ART1: variants seen among roughly 807,000 people sequenced by gnomAD.
ART1 encodes GPI-linked NAD(P)(+)--arginine ADP-ribosyltransferase 1.
ART1 carries 29 observed loss-of-function variants against 27.0 expected under a neutral mutation model. That is an observed-to-expected ratio of 1.08 (90% CI 0.80 to 1.47). ART1 has a LOEUF of 1.47. ART1 is among the 40% of genes most tolerant of loss of function. ART1 has a pLI of 0.00. For missense variants in ART1, 480 were observed against 423.0 expected, an observed-to-expected ratio of 1.13 and a Z score of -1.18; for synonymous variants, 201 against 172.2, an observed-to-expected ratio of 1.17 and a Z score of -1.31.
At position 3,663,170 on chromosome 11, in the gene ART1, C is replaced by T. The variant is rs146913124; in HGVS notation, c.887-922C>T. Among the ~76,000 whole-genome samples the T allele has an allele frequency of 2.0e-5, 3 of 150,700 alleles. No individual in the cohort carries two copies. In the East Asian group the frequency reaches 5.9e-4, roughly 30 times the overall value. On this transcript the variant is annotated intron_variant, in intron 4 of 4. Transcript: ENST00000250693. ...ATCATCTCATCTCATCTTTACTGCA[C>T]AGTAATCTATGGGAAGGAGGCAGAA...
chr11:3,660,064 ACGGCCTGCGCTTCCGGC>A lies in ART1; in HGVS notation c.547_563del (p.Gly183SerfsTer27). ...TGCCACCAGGTGTTCCGAGGTGTGC[ACGGCCTGCGCTTCCGGC>A]CAGCAGGGCCCCGGGCCACCGTGAG... On this transcript the variant is annotated frameshift_variant, in exon 3 of 5. Coordinates refer to ENST00000250693, the MANE Select transcript of ART1 (RefSeq NM_004314.3). LOFTEE classifies it high-confidence loss of function. 1 of 1,613,556 alleles carries A rather than the reference ACGGCCTGCGCTTCCGGC, an allele frequency of 6.2e-7. No homozygotes were observed. The highest frequency in any genetic ancestry group is 1.7e-4 in the Middle Eastern group (1 of 6,060).
chr11:3,653,675 TCTC>T (rs1451717455), intron 1 of ART1, among the ~76,000 whole-genome samples: 16 of 152,240 alleles, frequency 1.1e-4, no homozygotes, highest in African/African-American at 3.9e-4. Context: ...CTACTCCGCT[TCTC>T]CTCTGTGTTT....
chr11:3,662,880 G>A (rs1285896481), intron 4 of ART1, among the ~76,000 whole-genome samples: 1 of 152,108 alleles, frequency 6.6e-6, no homozygotes, highest in African/African-American at 2.4e-5. Context: ...AAAATCAAAG[G>A]TGCAGAGGAG....
Position 3,650,903 on chromosome 11 carries a change from C to T in ART1, c.-53+5724C>T, listed in dbSNP as rs1343363172. Reference sequence around the variant, plus strand: ...CCTTACCATCCCATTAAAACCTAATCACTCTTACCCCGCTCAATGCCAGTA... The same window carrying T: ...CCTTACCATCCCATTAAAACCTAATTACTCTTACCCCGCTCAATGCCAGTA... On this transcript the variant is annotated intron_variant, in intron 1 of 4. Transcript: ENST00000250693. Among the ~76,000 whole-genome samples the T allele has an allele frequency of 1.4e-5, 2 of 141,626 alleles. 1 individual carries two copies. Among genetic ancestry groups the T allele is most frequent in the Non-Finnish European group, 3.1e-5 (2 of 64,126 alleles). 92.9% of individuals were successfully genotyped at this position (141,626 alleles called of 152,430 possible).
chr11:3,645,981 C>G lies in ART1; in HGVS notation c.-53+802C>G, dbSNP rs531048387. Among the ~76,000 whole-genome samples the G allele has an allele frequency of 3.9e-5, 6 of 152,140 alleles. No homozygotes were observed. The East Asian group carries it at 1.2e-3, about 29-fold the overall frequency. ...GCCAAGCAGGAGTGGCAGGTGCGAG[C>G]CTGCAGAGGGTGCAGAGGGCCAGGA... On this transcript the variant is annotated intron_variant, in intron 1 of 4. Coordinates refer to ENST00000250693, the MANE Select transcript of ART1 (RefSeq NM_004314.3).
intron 1 of ART1, among the ~76,000 whole-genome samples, chr11:3,652,593 G>T (rs1431139163): frequency 6.6e-6 from 1 of 152,146 alleles, no homozygotes; most frequent in Non-Finnish European, 1.5e-5. Flanking sequence ...CTCCTGTATA[G>T]ACGCTCCTTT....
chr11:3,649,888 C>T (rs934868520), intron 1 of ART1, among the ~76,000 whole-genome samples: 4 of 152,182 alleles, frequency 2.6e-5, no homozygotes, highest in East Asian at 1.9e-4. Flanking sequence ...AGACGCTTTA[C>T]AGCCCTAGAC....
chr11:3,660,202 C>T lies in ART1; in HGVS notation c.683C>T (p.Pro228Leu). ...FFGIWTCLGA[P>L]IKGYSFFPGE... ...GGCATCTGGACCTGCCTTGGGGCCCCTATCAAGGGCTACTCCTTCTTCCCT... is the reference window on the plus strand; with the variant it reads ...GGCATCTGGACCTGCCTTGGGGCCCTTATCAAGGGCTACTCCTTCTTCCCT... The change falls in exon 3 of 5, where the codon CCT becomes CTT. Residue 228 changes from proline to leucine, a missense_variant. Pro to Leu is a moderately conservative substitution (Grantham distance 98, BLOSUM62 -3). Transcript: ENST00000250693. 1.9e-6 allele frequency: 3 copies of T among 1,614,066 alleles called. No individual in the cohort carries two copies. Among genetic ancestry groups the T allele is most frequent in the Non-Finnish European group, 2.5e-6 (3 of 1,180,036 alleles).
chr11:3,652,334 G>C (rs532735258), intron 1 of ART1, among the ~76,000 whole-genome samples: 1 of 150,048 alleles, frequency 6.7e-6, no homozygotes, highest in South Asian at 2.1e-4. Context: ...TATACAGTCT[G>C]AAAACAGACC....
intron 1 of ART1, among the ~76,000 whole-genome samples, chr11:3,652,187 T>A (rs1259813900): frequency 1.3e-5 from 2 of 150,800 alleles, no homozygotes; most frequent in Admixed American, 6.6e-5. Context: ...CTGAGTCAGA[T>A]AACTAAAATA....
intron 1 of ART1, among the ~76,000 whole-genome samples, chr11:3,655,198 G>A (rs775640691): frequency 2.6e-5 from 4 of 152,154 alleles, no homozygotes; most frequent in Non-Finnish European, 5.9e-5. Flanking sequence ...CCAGACTAAA[G>A]AAGAATCTTC....
At chr11:3,651,234 T>G in intron 1 of ART1, among the ~76,000 whole-genome samples, 2 of 142,012 alleles carry the variant, frequency 1.4e-5, no homozygotes, top group African/African-American at 5.5e-5. Flanking sequence ...TCCCAGCCTC[T>G]CTTTGCTTTC....
At chr11:3,659,055 C>T (rs2077596662) in intron 1 of ART1, 107 bp from the exon 2 acceptor site, 10 of 673,270 alleles carry the variant, frequency 1.5e-5, no homozygotes, top group Non-Finnish European at 2.3e-5. Flanking sequence ...CTCTTCTGAG[C>T]CTCCATGTCT....
In ART1 at chr11:3,660,142, T is replaced by C. The variant is rs1348543654; in HGVS notation, c.623T>C (p.Val208Ala). 6.2e-7 allele frequency: 1 copy of C among 1,613,920 alleles called. No individual in the cohort carries two copies. The highest frequency in any genetic ancestry group is 8.5e-7 in the Non-Finnish European group (1 of 1,180,012). ...TTTGCTTCTGCCTCCCTGAAGCATGTTGCAGCCCAGCAGTTTGGTGAGGAC... is the reference window on the plus strand; with the variant it reads ...TTTGCTTCTGCCTCCCTGAAGCATGCTGCAGCCCAGCAGTTTGGTGAGGAC... Reference protein sequence around the residue: ...GGFASASLKHVAAQQFGEDTF... With the variant: ...GGFASASLKHAAAQQFGEDTF... Residue 208 changes from valine to alanine, a missense_variant, in exon 3 of 5, where the codon GTT becomes GCT. Val to Ala is a moderately conservative substitution (Grantham distance 64). Coordinates refer to ENST00000250693, the MANE Select transcript of ART1 (RefSeq NM_004314.3).
chr11:3,650,850 C>T (rs1323053165), intron 1 of ART1, among the ~76,000 whole-genome samples: 1 of 129,334 alleles, frequency 7.7e-6, no homozygotes, highest in Non-Finnish European at 1.8e-5. Context: ...GGCACCTCTA[C>T]TTCCTCCTTC....
intron 1 of ART1, among the ~76,000 whole-genome samples, chr11:3,652,917 C>T (rs1030811642): frequency 1.3e-5 from 2 of 149,546 alleles, no homozygotes; most frequent in Admixed American, 1.3e-4. Flanking sequence ...AATTCTTAGA[C>T]CTTTTATACC....
At position 3,651,972 on chromosome 11, in the gene ART1, A is replaced by G. The variant is rs561623378; in HGVS notation, c.-53+6793A>G. 2.0e-5 allele frequency among the ~76,000 whole-genome samples: 3 copies of G among 151,654 alleles called. No individual in the cohort carries two copies. In the East Asian group the frequency reaches 5.8e-4, roughly 29 times the overall value. On this transcript the variant is annotated intron_variant, in intron 1 of 4. Transcript: ENST00000250693. ...CACACCAGCAAAGGCAGGCTATGCTATAGAACAAGCCACCAGCCCGCCTCT... is the reference window on the plus strand; with the variant it reads ...CACACCAGCAAAGGCAGGCTATGCTGTAGAACAAGCCACCAGCCCGCCTCT...
intron 1 of ART1, among the ~76,000 whole-genome samples, chr11:3,653,318 C>T (rs1485163946): frequency 4.7e-5 from 7 of 148,796 alleles, no homozygotes; most frequent in Non-Finnish European, 5.9e-5. Context: ...TAACTGATGA[C>T]ATTCCACCAC....
intron 1 of ART1, among the ~76,000 whole-genome samples, chr11:3,657,053 T>C (rs1260295324): frequency 1.3e-5 from 2 of 152,196 alleles, no homozygotes; most frequent in East Asian, 3.8e-4. Context: ...AGAATCCCAG[T>C]GTCTTAGAGT....
Sources: allele counts gnomAD v4.1 joint callset (sites outside exome capture counted in the v4.1 genomes callset), GRCh38; gene constraint gnomAD v4.1.1; transcripts MANE v1.5; gene names NCBI Gene and HGNC (gene_info 2026-07-23, HGNC 2026-07-21).